The following OSBP2 variants were observed in gnomAD, a reference collection of about 807,000 sequenced individuals.
The protein encoded by OSBP2 is oxysterol-binding protein 2.
A neutral mutation model predicts 96.0 loss-of-function variants in OSBP2; 66 were observed. The observed-to-expected ratio is 0.69, with a 90% CI of 0.56 to 0.84. OSBP2 has a LOEUF of 0.84. Ranked by LOEUF, OSBP2 falls within the 40% of genes least tolerant of loss-of-function variation. The pLI, the probability that OSBP2 is intolerant of heterozygous loss-of-function variation, is 0.00. For missense variants in OSBP2, 1,038 were observed against 1,222.7 expected (o/e 0.85, Z 2.25); for synonymous variants, 525 against 520.9 (o/e 1.01, Z -0.11).
intron 2 of OSBP2, among the ~76,000 whole-genome samples, chr22:30,841,714 T>C (rs181986580): frequency 2.1e-3 from 314 of 152,338 alleles, no homozygotes; most frequent in African/African-American, 7.5e-3. Flanking sequence ...AAATATTTTA[T>C]TGTAGACCTG....
intron 2 of OSBP2, among the ~76,000 whole-genome samples, chr22:30,775,666 A>G (rs2090423394): frequency 6.6e-6 from 1 of 152,194 alleles, no homozygotes; most frequent in Non-Finnish European, 1.5e-5. Context: ...CCACGATCCT[A>G]CCTGAAATCA....
intron 5 of OSBP2, 93 bp downstream of exon 5, chr22:30,888,433 T>C (rs2039865431): frequency 2.4e-6 from 2 of 818,074 alleles, no homozygotes; most frequent in East Asian, 4.9e-5. Flanking sequence ...TACTTGGGGT[T>C]TTCTTTCCTT....
chr22:30,694,757 G>A (rs2088988685), upstream of OSBP2: 5 of 534,770 alleles, frequency 9.3e-6, no homozygotes, highest in East Asian at 1.5e-4. Flanking sequence ...AACAGCCGGC[G>A]GGCGCTGACG....
At chr22:30,711,368 G>C (rs1458074443) in intron 1 of OSBP2, among the ~76,000 whole-genome samples, 2 of 151,718 alleles carry the variant, frequency 1.3e-5, no homozygotes, top group Non-Finnish European at 2.9e-5. Context: ...TCCTGGCTCG[G>C]TATAAAGCAA....
intron 2 of OSBP2, among the ~76,000 whole-genome samples, chr22:30,858,879 C>CAATAATAAT (rs137975802): frequency 0.05 from 7,109 of 141,330 alleles, 595 homozygotes; most frequent in African/African-American, 0.17. Context: ...GACTCTGTCT[C>CAATAATAAT]AATAATAATA....
At chr22:30,805,847 T>G (rs2090921526) in intron 2 of OSBP2, among the ~76,000 whole-genome samples, 1 of 152,192 alleles carries the variant, frequency 6.6e-6, no homozygotes, top group African/African-American at 2.4e-5. Flanking sequence ...TCCAGGAGAA[T>G]GGAGCCTAGA....
In OSBP2 at chr22:30,890,794, C is replaced by A. The variant is rs1421779532; in HGVS notation, c.1690C>A (p.Leu564Met). Residue 564 changes from leucine (L) to methionine (M), a missense_variant, in exon 8 of 14, where the codon CTG becomes ATG. Leu to Met is a conservative substitution (Grantham distance 15). This residue lies in a region of OSBP2 where 737 missense variants were observed against 913.3 expected (regional missense o/e 0.81). Coordinates refer to ENST00000332585, the MANE Select transcript of OSBP2 (RefSeq NM_030758.4). The surrounding 1 kb of genome is among the most constrained non-coding windows in gnomAD (Gnocchi z 4.4). ...LTEDLEYHHLLDKAVHCTSSV... is the reference protein window; with the variant it reads ...LTEDLEYHHLMDKAVHCTSSV... The stretch of plus-strand genomic sequence containing the variant: ...AGAGGACCTGGAGTACCACCACCTG[C>A]TGGACAAGGCAGTGCACTGCACCAG... 3.1e-6 allele frequency: 5 copies of A among 1,613,498 alleles called. No individual in the cohort carries two copies. Among genetic ancestry groups the A allele is most frequent in the Non-Finnish European group, 4.2e-6 (5 of 1,180,026 alleles).
intron 4 of OSBP2, 139 bp from the exon 5 acceptor site, chr22:30,888,084 A>G: frequency 1.5e-6 from 1 of 676,352 alleles, no homozygotes; most frequent in East Asian, 2.5e-5. Flanking sequence ...CAGCCCAGGG[A>G]ATCAGGGCTG....
intron 1 of OSBP2, among the ~76,000 whole-genome samples, chr22:30,722,865 G>A (rs1438515568): frequency 6.8e-6 from 1 of 146,586 alleles, no homozygotes; most frequent in Non-Finnish European, 1.5e-5. Context: ...GTTCACTGCG[G>A]CTTTTACCTT....
At chr22:30,860,225 T>C (rs184315177) in intron 2 of OSBP2, among the ~76,000 whole-genome samples, 1 of 152,258 alleles carries the variant, frequency 6.6e-6, no homozygotes, top group Admixed American at 6.5e-5. Context: ...CCCAGGATGC[T>C]TGAGCCTTCA....
In OSBP2 at chr22:30,906,073, A is replaced by C; in HGVS notation, c.2608+4A>C. On this transcript the variant is annotated splice_donor_region_variant and intron_variant, in intron 13 of 13. Transcript: ENST00000332585. The stretch of plus-strand genomic sequence containing the variant: ...AGCAGCTGCAGCTCGGAGGAAGGTG[A>C]GGCCGGGCGGGAAGGGCGCCCCGGA... The C allele has an allele frequency of 6.9e-7, 1 of 1,448,724 alleles. No homozygotes were observed. The highest frequency in any genetic ancestry group is 9.2e-7 in the Non-Finnish European group (1 of 1,083,902). The allele number at this position is 1,448,724 out of a possible 1,614,324, so 89.7% of individuals were successfully genotyped here.
rs141365486 is a variant in OSBP2, at chr22:30,856,950, C to T, written c.854-13479C>T. ...GTGACATTCTGCATTTTCTCCCTCTCGAGGAAAGGGACTGGCTTAAGTCCC... is the reference window on the plus strand; with the variant it reads ...GTGACATTCTGCATTTTCTCCCTCTTGAGGAAAGGGACTGGCTTAAGTCCC... On this transcript the variant is annotated intron_variant, in intron 2 of 13. Coordinates refer to ENST00000332585, the MANE Select transcript of OSBP2 (RefSeq NM_030758.4). Among the ~76,000 whole-genome samples, 520 of 152,286 alleles carry T rather than the reference C, an allele frequency of 3.4e-3. 3 individuals carry two copies. Among genetic ancestry groups the T allele is most frequent in the Admixed American group, 5.9e-3 (90 of 15,296 alleles).
At chr22:30,767,051 G>C (rs1008448104) in intron 2 of OSBP2, among the ~76,000 whole-genome samples, 1 of 143,194 alleles carries the variant, frequency 7.0e-6, no homozygotes, top group Non-Finnish European at 1.5e-5. Context: ...TACAAAAAAA[G>C]CTCTGGGATG....
chr22:30,883,978 C>T (rs1014260127), intron 3 of OSBP2, among the ~76,000 whole-genome samples: 6 of 152,226 alleles, frequency 3.9e-5, no homozygotes, highest in African/African-American at 1.2e-4. Flanking sequence ...GTGAAAGGCT[C>T]GGCTCCCAGT....
intron 2 of OSBP2, among the ~76,000 whole-genome samples, chr22:30,853,427 G>T (rs376716910): frequency 1.4e-4 from 22 of 152,012 alleles, no homozygotes; most frequent in African/African-American, 5.3e-4. Flanking sequence ...CTGTTTGCAT[G>T]GTGTTTCTTT....
intron 2 of OSBP2, among the ~76,000 whole-genome samples, chr22:30,807,113 C>G (rs2090939323): frequency 6.6e-6 from 1 of 152,218 alleles, no homozygotes; most frequent in Non-Finnish European, 1.5e-5. Context: ...GCTCTTTCCA[C>G]TGAATGGCAT....
intron 2 of OSBP2, among the ~76,000 whole-genome samples, chr22:30,793,650 G>A (rs909292246): frequency 4.6e-5 from 7 of 151,984 alleles, no homozygotes; most frequent in African/African-American, 1.7e-4. Flanking sequence ...AACTAGGCAT[G>A]GTGGTATGCT....
At chr22:30,744,326 C>G (rs1210435547) in intron 2 of OSBP2, among the ~76,000 whole-genome samples, 1 of 152,100 alleles carries the variant, frequency 6.6e-6, no homozygotes, top group Non-Finnish European at 1.5e-5. Flanking sequence ...TCTCCTTGGG[C>G]CTGGCTGATG....
At position 30,906,054 on chromosome 22, in the gene OSBP2, T is replaced by C; in HGVS notation, c.2593T>C (p.Cys865Arg). Reference protein sequence around the residue: ...RLEACGPGSSCSSEEEKEADA... With the variant: ...RLEACGPGSSRSSEEEKEADA... ...GGAGGCCTGCGGGCCGGGCAGCAGC[T>C]GCAGCTCGGAGGAAGGTGAGGCCGG... Residue 865 changes from cysteine to arginine, a missense_variant, in exon 13 of 14, where the codon TGC (cysteine) becomes CGC (arginine). Physicochemically the swap from Cys to Arg is radical, Grantham distance 180 (BLOSUM62 -3). Around this residue, in one of 3 missense-constraint regions of OSBP2, gnomAD observed 737 missense variants for 913.3 expected, o/e 0.81. Transcript: ENST00000332585. 1 of 1,553,440 alleles carries C rather than the reference T, an allele frequency of 6.4e-7. No individual in the cohort carries two copies. Among genetic ancestry groups the C allele is most frequent in the Non-Finnish European group, 8.7e-7 (1 of 1,151,312 alleles).
Sources: gnomAD v4.1 joint callset for allele counts (sites outside exome capture counted in the v4.1 genomes callset) on GRCh38, gnomAD v4.1.1 for gene constraint, gnomAD v4.1.1 regional missense constraint, Gnocchi (gnomAD v3.1) non-coding constraint, MANE v1.5 for transcripts, NCBI Gene and HGNC (gene_info 2026-07-23, HGNC 2026-07-21) for gene names.